NEB: variants seen among roughly 807,000 people sequenced by gnomAD.
The protein encoded by NEB is nebulin, also known as nemaline myopathy type 2.
NEB carries 512 observed loss-of-function variants against 952.2 expected under a neutral mutation model. That is an observed-to-expected ratio of 0.54 (90% confidence interval 0.50 to 0.58). The LOEUF is 0.58. Among genes scored for constraint, NEB ranks in the 20% least tolerant of loss-of-function variants. The pLI, the probability that NEB is intolerant of heterozygous loss-of-function variation, is 0.00. For synonymous variants in NEB, 2,900 were observed against 3,149.8 expected (o/e 0.92, Z 2.66); for missense variants, 8,428 against 9,231.1 (o/e 0.91, Z 3.56).
chr2:151,728,124 A>G (rs922446067), intron 4 of NEB, among the ~76,000 whole-genome samples: 4 of 152,224 alleles, frequency 2.6e-5, no homozygotes, highest in African/African-American at 9.6e-5. Context: ...GCGTGGAATA[A>G]AAAGTTTACT....
At chr2:151,696,999 G>A (rs2099601455) in intron 16 of NEB, 149 bp downstream of exon 16, 3 of 652,108 alleles carry the variant, frequency 4.6e-6, no homozygotes, top group Admixed American at 3.1e-5. Flanking sequence ...GTCAACAAGG[G>A]AAAATAGGAT....
At position 151,671,139 on chromosome 2, in the gene NEB, C is replaced by T. The variant is rs776121396; in HGVS notation, c.4390G>A (p.Gly1464Ser). 1.9e-5 allele frequency: 31 copies of T among 1,613,980 alleles called. No individual in the cohort carries two copies. Among genetic ancestry groups the T allele is most frequent in the Non-Finnish European group, 2.6e-5 (31 of 1,179,850 alleles). ...TACTTCCTCTCATTTAATGCATCGC[C>T]TGCTTTCTTGACCTTCTCCACCTCC... ...SLEVEKVKKA[G>S]DALNERKYRQ... Residue 1464 changes from glycine (G) to serine (S), a missense_variant, in exon 38 of 182, where the codon GGC (glycine) becomes AGC (serine). This residue lies in a region of NEB where 2,851 missense variants were observed against 2,791.5 expected (regional missense o/e 1.02). Coordinates refer to ENST00000397345, the MANE Select transcript of NEB (RefSeq NM_001164508.2).
rs1426898110 is a variant in NEB, at chr2:151,646,231, G to A, written c.7435C>T (p.Leu2479Phe). The A allele has an allele frequency of 6.3e-7, 1 of 1,577,502 alleles. No individual in the cohort carries two copies. Among genetic ancestry groups the A allele is most frequent in the Admixed American group, 1.8e-5 (1 of 55,808 alleles). Residue 2479 changes from leucine to phenylalanine, a missense_variant, in exon 55 of 182, where the codon CTT becomes TTT. Coordinates refer to ENST00000397345, the MANE Select transcript of NEB (RefSeq NM_001164508.2). ...KTNAKNRSDR[L>F]YREAWDKDKT... ...TCTTTGTCCCAAGCTTCTCTATAAAGTCTCTAAAATAAGAAATAATAATTT... is the reference window on the plus strand; with the variant it reads ...TCTTTGTCCCAAGCTTCTCTATAAAATCTCTAAAATAAGAAATAATAATTT...
chr2:151,721,505 C>A (rs766482066), intron 9 of NEB, among the ~76,000 whole-genome samples: 1 of 152,218 alleles, frequency 6.6e-6, no homozygotes, highest in Non-Finnish European at 1.5e-5. Context: ...GCCCTTGGGA[C>A]CACCACCTCC....
intron 166 of NEB, 52 bp from the exon 167 acceptor site, chr2:151,502,937 T>TAAGG: frequency 8.8e-7 from 1 of 1,133,672 alleles, no homozygotes; most frequent in Non-Finnish European, 1.3e-6. Flanking sequence ...GCACAGAGAG[T>TAAGG]AAGGAAGGAA....
chr2:151,670,467 AGAATGAGACATACAGACG>A (rs2099272374), intron 38 of NEB, among the ~76,000 whole-genome samples: 1 of 123,710 alleles, frequency 8.1e-6, no homozygotes, highest in East Asian at 3.5e-4. Context: ...GACGTGTCTC[AGAATGAGACATACAGACG>A]TGGTATGAGT....
At chr2:151,561,715 G>A (rs2096074870) in intron 121 of NEB, among the ~76,000 whole-genome samples, 1 of 151,706 alleles carries the variant, frequency 6.6e-6, no homozygotes, top group Admixed American at 6.6e-5. Flanking sequence ...TGCCCTATCA[G>A]AGCTGAACCA....
At chr2:151,661,614 A>G (rs2099150889) in intron 46 of NEB, among the ~76,000 whole-genome samples, 2 of 152,236 alleles carry the variant, frequency 1.3e-5, no homozygotes, top group Admixed American at 1.3e-4. Context: ...AAAATAGAGT[A>G]AGTCTTTTCT....
chr2:151,523,921 T>G (rs1207034399), intron 153 of NEB, among the ~76,000 whole-genome samples: 1 of 152,208 alleles, frequency 6.6e-6, no homozygotes, highest in Non-Finnish European at 1.5e-5. Context: ...CTGGTTGGAT[T>G]CTAGAAGTTA....
chr2:151,727,932 A>T (rs939469246), intron 4 of NEB, 26 bp from the exon 5 acceptor site: 2 of 1,577,392 alleles, frequency 1.3e-6, no homozygotes, highest in Non-Finnish European at 1.7e-6. Context: ...GCAGTTCAAC[A>T]TTGTTGTGAA....
chr2:151,647,268 C>T lies in NEB; in HGVS notation c.7432-1034G>A, dbSNP rs549773768. Among the ~76,000 whole-genome samples the T allele has an allele frequency of 1.3e-3, 201 of 152,148 alleles. 4 individuals carry two copies. The South Asian group carries it at 0.037, about 28-fold the overall frequency. ...TGGGATTACAGGCACCCACCACATG[C>T]CCAGCTAATTTTTGTATTTTTAGTA... On this transcript the variant is annotated intron_variant, in intron 54 of 181. Coordinates refer to ENST00000397345, the MANE Select transcript of NEB (RefSeq NM_001164508.2).
intron 92 of NEB, among the ~76,000 whole-genome samples, chr2:151,595,707 T>C (rs2097430178): frequency 2.3e-5 from 1 of 44,282 alleles, no homozygotes; most frequent in Non-Finnish European, 4.1e-5. Flanking sequence ...TCTTAAGTCT[T>C]ATATGAAACT....
intron 56 of NEB, 121 bp from the exon 57 acceptor site, chr2:151,644,250 G>A (rs763339879): frequency 1.0e-5 from 14 of 1,370,402 alleles, no homozygotes; most frequent in Admixed American, 2.2e-5. Context: ...AAAGACTTCA[G>A]TCTTTTGATA....
intron 29 of NEB, 148 bp from the exon 30 acceptor site, chr2:151,680,976 G>C (rs1412826194): frequency 2.9e-6 from 2 of 691,604 alleles, no homozygotes; most frequent in Non-Finnish European, 5.1e-6. Context: ...TTGGCTTGAT[G>C]AATGCAATAC....
At chr2:151,530,947 G>C in intron 145 of NEB, 47 bp downstream of exon 145, 1 of 1,279,684 alleles carries the variant, frequency 7.8e-7, no homozygotes, top group Non-Finnish European at 1.1e-6. Context: ...CATCTCATTA[G>C]AAGGAGGCCA....
At chr2:151,716,224 C>T (rs1263948874) in intron 10 of NEB, 10 of 363,636 alleles carry the variant, frequency 2.8e-5, no homozygotes, top group East Asian at 7.8e-5. Flanking sequence ...CTGCAACCTC[C>T]GCTTCCCGGG....
At chr2:151,491,804 G>T in intron 178 of NEB, 29 bp from the exon 179 acceptor site, 1 of 1,521,976 alleles carries the variant, frequency 6.6e-7, no homozygotes, top group Non-Finnish European at 8.9e-7. Context: ...ATCAGAACAA[G>T]TGTTCTTGGA....
chr2:151,504,741 A>G lies in NEB; in HGVS notation c.23742+737T>C, dbSNP rs73005979. ...CCTAGAATCTGCGTATGGATGGGAA[A>G]AGGGGTGGGTGCAGAGCCAGGGCTT... On this transcript the variant is annotated intron_variant, in intron 165 of 181. Transcript: ENST00000397345. Among the ~76,000 whole-genome samples the G allele has an allele frequency of 4.1e-3, 624 of 152,280 alleles. 4 individuals are homozygous for G. Among genetic ancestry groups the G allele is most frequent in the African/African-American group, 0.014 (595 of 41,560 alleles).
At chr2:151,690,516 A>C (rs1177292623) in intron 24 of NEB, 2 of 467,476 alleles carry the variant, frequency 4.3e-6, no homozygotes, top group African/African-American at 2.0e-5. Context: ...TGAGTTATTA[A>C]AAAATATTTA....
Sources: gnomAD v4.1 joint callset for allele counts (sites outside exome capture counted in the v4.1 genomes callset) on GRCh38, gnomAD v4.1.1 for gene constraint, gnomAD v4.1.1 regional missense constraint, MANE v1.5 for transcripts, NCBI Gene and HGNC (gene_info 2026-07-23, HGNC 2026-07-21) for gene names.